Variants in ATL2 observed in about 807,000 individuals in gnomAD.
The protein encoded by ATL2 is atlastin GTPase 2, also known as atlastin-2.
A neutral mutation model predicts 73.9 loss-of-function variants in ATL2; 31 were observed. The ratio of observed to expected loss-of-function variants is 0.42; its 90% CI spans 0.32 to 0.57. The LOEUF (loss-of-function observed/expected upper bound fraction) is 0.57, where lower values mean the gene tolerates loss of function less well. Among genes scored for constraint, ATL2 ranks in the 20% least tolerant of loss-of-function variants. The pLI, the probability that ATL2 is intolerant of heterozygous loss-of-function variation, is 0.14. For missense variants in ATL2, 738 were observed against 702.6 expected (o/e 1.05, Z -0.57); for synonymous variants, 291 against 237.5 (o/e 1.23, Z -2.07).
chr2:38,376,125 G>A (rs1286449135), intron 1 of ATL2: 1 of 1,518,058 alleles, frequency 6.6e-7, no homozygotes, highest in Non-Finnish European at 8.9e-7. Context: ...CCAAATCGTA[G>A]GCTTTTACTA....
chr2:38,367,480 C>T (rs1160276663), intron 1 of ATL2, among the ~76,000 whole-genome samples: 1 of 149,094 alleles, frequency 6.7e-6, no homozygotes, highest in African/African-American at 2.4e-5. Context: ...GTGGCGGGCG[C>T]CTGTAGTCCC....
intron 2 of ATL2, among the ~76,000 whole-genome samples, chr2:38,326,609 AAG>A (rs1668677530): frequency 6.6e-6 from 1 of 152,258 alleles, no homozygotes; most frequent in African/African-American, 2.4e-5. Context: ...GTAACACAAA[AAG>A]AAAATCTTGA....
chr2:38,327,868 G>A (rs563431912), intron 2 of ATL2, among the ~76,000 whole-genome samples: 10 of 152,272 alleles, frequency 6.6e-5, no homozygotes, highest in Admixed American at 2.0e-4. Context: ...TCAGAGAGGC[G>A]GAGGTTGCAG....
At chr2:38,374,959 A>T (rs1430684996) in intron 1 of ATL2, among the ~76,000 whole-genome samples, 1 of 152,226 alleles carries the variant, frequency 6.6e-6, no homozygotes, top group Admixed American at 6.5e-5. Flanking sequence ...TAATATCTTT[A>T]CTGTAAGGCA....
chr2:38,312,879 G>A (rs1263066050), intron 7 of ATL2, among the ~76,000 whole-genome samples: 1 of 152,118 alleles, frequency 6.6e-6, no homozygotes, highest in Non-Finnish European at 1.5e-5. Flanking sequence ...TATGCTGTGT[G>A]AGAACAGACT....
intron 7 of ATL2, among the ~76,000 whole-genome samples, chr2:38,312,167 T>C (rs1667788176): frequency 6.6e-6 from 1 of 152,190 alleles, no homozygotes; most frequent in African/African-American, 2.4e-5. Context: ...TGTGAGTAGA[T>C]GGGTAGCCTG....
chr2:38,367,573 G>C (rs12998181), intron 1 of ATL2, among the ~76,000 whole-genome samples: 44,276 of 106,278 alleles, frequency 0.42, 10,147 homozygotes, highest in African/African-American at 0.69. Context: ...CCAGCCCGGG[G>C]AACAGAGCAA....
chr2:38,308,736 G>A (rs151060201), intron 9 of ATL2, among the ~76,000 whole-genome samples: 245 of 151,706 alleles, frequency 1.6e-3, no homozygotes, highest in African/African-American at 5.2e-3. Context: ...TATATACTAC[G>A]TACCCACAAA....
At chr2:38,304,603 T>C (rs1440743830) in intron 9 of ATL2, among the ~76,000 whole-genome samples, 2 of 152,190 alleles carry the variant, frequency 1.3e-5, no homozygotes, top group East Asian at 3.8e-4. Context: ...TTTCCAGACA[T>C]AGACGGTATA....
chr2:38,361,112 G>C (rs1251212541), intron 1 of ATL2, among the ~76,000 whole-genome samples: 2 of 152,048 alleles, frequency 1.3e-5, no homozygotes, highest in Non-Finnish European at 2.9e-5. Context: ...CCAGCACTTT[G>C]GGAGGCCGAG....
intron 1 of ATL2, among the ~76,000 whole-genome samples, chr2:38,352,065 C>T (rs1054736713): frequency 2.0e-5 from 3 of 146,682 alleles, no homozygotes; most frequent in East Asian, 2.1e-4. Context: ...GAGCCAAGAT[C>T]GCGCCATTGC....
At chr2:38,308,849 C>A (rs946766125) in intron 9 of ATL2, among the ~76,000 whole-genome samples, 2 of 151,580 alleles carry the variant, frequency 1.3e-5, no homozygotes, top group African/African-American at 4.8e-5. Context: ...GAACAAAATA[C>A]ACTCTTAGTT....
intron 1 of ATL2, among the ~76,000 whole-genome samples, chr2:38,365,515 G>A (rs1671269377): frequency 6.6e-6 from 1 of 152,064 alleles, no homozygotes; most frequent in African/African-American, 2.4e-5. Context: ...AATTGGCCAG[G>A]AGCAGTGACT....
intron 7 of ATL2, among the ~76,000 whole-genome samples, chr2:38,311,926 G>T (rs763068877): frequency 2.8e-4 from 42 of 152,176 alleles, no homozygotes; most frequent in Non-Finnish European, 4.6e-4. Flanking sequence ...AGAAAATGCT[G>T]ATGACTGAAA....
At position 38,295,421 on chromosome 2, in the gene ATL2, G is replaced by A. The variant is rs969916056; in HGVS notation, c.*573C>T. 1 of 152,184 alleles carries A rather than the reference G, an allele frequency of 6.6e-6. No homozygotes were observed. The highest frequency in any genetic ancestry group is 2.4e-5 in the African/African-American group (1 of 41,450). 9.4% of individuals were successfully genotyped at this position (152,184 alleles called of 1,614,324 possible). ...CAAGTTTATAAATTTAAAAAGGCAA[G>A]ACAAATGTACACCTCAGAATTACTT... is the stretch of plus-strand genomic sequence containing the variant. On this transcript the variant is annotated 3_prime_UTR_variant, in exon 13 of 13. Coordinates refer to ENST00000378954, the MANE Select transcript of ATL2 (RefSeq NM_001135673.4).
chr2:38,326,563 A>C (rs991956705), intron 2 of ATL2, among the ~76,000 whole-genome samples: 1 of 152,246 alleles, frequency 6.6e-6, no homozygotes, highest in Non-Finnish European at 1.5e-5. Flanking sequence ...TACCAAAAAA[A>C]TCCACACTAG....
At chr2:38,310,495 T>G (rs1272012200) in intron 7 of ATL2, 48 bp from the exon 8 acceptor site, 1 of 1,536,384 alleles carries the variant, frequency 6.5e-7, no homozygotes, top group Non-Finnish European at 8.8e-7. Flanking sequence ...AGAAAGAAAA[T>G]TTTTTTAAAG....
chr2:38,360,149 A>G (rs922671978), intron 1 of ATL2, among the ~76,000 whole-genome samples: 17 of 149,466 alleles, frequency 1.1e-4, no homozygotes, highest in African/African-American at 4.3e-4. Flanking sequence ...AAAAAAAAAA[A>G]GAATACTAAA....
rs1558424039 is a variant in ATL2 at position 38,335,688 on chromosome 2, A to AT, written c.363+7579_363+7580insA. Among the ~76,000 whole-genome samples the AT allele has an allele frequency of 1.2e-3, 187 of 150,958 alleles. 1 individual carries two copies. Among genetic ancestry groups the AT allele is most frequent in the African/African-American group, 4.5e-3 (181 of 40,270 alleles). ...GGTTACTATAACATATATATATATA[A>AT]AAATGCACTGGCTATATTAAGGTTT... On this transcript the variant is annotated intron_variant, in intron 2 of 12. Coordinates refer to ENST00000378954, the MANE Select transcript of ATL2 (RefSeq NM_001135673.4).
Sources: allele counts gnomAD v4.1 joint callset (sites outside exome capture counted in the v4.1 genomes callset), GRCh38; gene constraint gnomAD v4.1.1; transcripts MANE v1.5; gene names NCBI Gene and HGNC (gene_info 2026-07-23, HGNC 2026-07-21).